The following HIBADH variants were observed in gnomAD, a reference collection of about 807,000 sequenced individuals.
HIBADH encodes the protein 3-hydroxyisobutyrate dehydrogenase.
A neutral mutation model predicts 36.1 loss-of-function variants in HIBADH; 25 were observed. The ratio of observed to expected loss-of-function variants is 0.69; its 90% CI spans 0.50 to 0.97. HIBADH has a LOEUF of 0.97. HIBADH is among the 50% of genes least tolerant of loss of function. The pLI is 0.00. For synonymous variants in HIBADH, 160 were observed against 149.5 expected (o/e 1.07, Z -0.51); for missense variants, 421 against 418.0 (o/e 1.01, Z -0.06).
chr7:27,611,565 G>A (rs533950083), intron 4 of HIBADH, among the ~76,000 whole-genome samples: 3 of 152,084 alleles, frequency 2.0e-5, no homozygotes, highest in South Asian at 2.1e-4. Context: ...AACAACATGA[G>A]ACATTAAATA....
At chr7:27,577,836 G>C (rs1784736344) in intron 4 of HIBADH, among the ~76,000 whole-genome samples, 1 of 152,166 alleles carries the variant, frequency 6.6e-6, no homozygotes, top group Non-Finnish European at 1.5e-5. Flanking sequence ...CATTGCTGCA[G>C]AACACATGGG....
chr7:27,577,018 T>A (rs1296505218), intron 4 of HIBADH, among the ~76,000 whole-genome samples: 1 of 152,160 alleles, frequency 6.6e-6, no homozygotes, highest in Non-Finnish European at 1.5e-5. Context: ...TTACTAAGGT[T>A]TATCTTAAAA....
intron 4 of HIBADH, among the ~76,000 whole-genome samples, chr7:27,544,119 T>C (rs1211582740): frequency 6.6e-6 from 1 of 152,190 alleles, no homozygotes; most frequent in Non-Finnish European, 1.5e-5. Flanking sequence ...TTGTCTGTAG[T>C]ATGTATCAAA....
chr7:27,659,199 G>GATGTGATTT (rs1786367219), intron 1 of HIBADH, among the ~76,000 whole-genome samples: 1 of 152,172 alleles, frequency 6.6e-6, no homozygotes, highest in Non-Finnish European at 1.5e-5. Flanking sequence ...AAGATGATCT[G>GATGTGATTT]ATGTGATTTA....
At chr7:27,634,288 A>G (rs1003895727) in intron 2 of HIBADH, among the ~76,000 whole-genome samples, 6 of 152,194 alleles carry the variant, frequency 3.9e-5, no homozygotes, top group African/African-American at 9.7e-5. Flanking sequence ...TTCAACCTGT[A>G]TATTTTGATA....
chr7:27,597,637 C>A (rs1433663221), intron 4 of HIBADH, among the ~76,000 whole-genome samples: 1 of 152,142 alleles, frequency 6.6e-6, no homozygotes, highest in Non-Finnish European at 1.5e-5. Flanking sequence ...CCAGATACCA[C>A]TAAGACCACT....
intron 4 of HIBADH, among the ~76,000 whole-genome samples, chr7:27,607,551 CA>C (rs1785251900): frequency 6.6e-6 from 1 of 152,094 alleles, no homozygotes; most frequent in Non-Finnish European, 1.5e-5. Context: ...TTACAGGTCT[CA>C]AAGTCAGAAT....
At position 27,632,387 on chromosome 7, in the gene HIBADH, G is replaced by A. The variant is rs1274855216; in HGVS notation, c.311C>T (p.Pro104Leu). Residue 104 changes from proline to leucine, a missense_variant, in exon 3 of 8, where the codon CCC (proline) becomes CTC (leucine). Pro to Leu is a moderately conservative substitution (Grantham distance 98). Transcript: ENST00000265395. ...EKADRIITMLPTSINAIEAYS... is the reference protein window; with the variant it reads ...EKADRIITMLLTSINAIEAYS... ...AGCTTCTATTGCATTGATACTGGTG[G>A]GCAGCATTGTAATAATTCTGTCAGC... 3.1e-6 allele frequency: 5 copies of A among 1,613,366 alleles called. No homozygotes were observed. Among genetic ancestry groups the A allele is most frequent in the Non-Finnish European group, 4.2e-6 (5 of 1,179,628 alleles).
chr7:27,609,566 T>G (rs1487616193), intron 4 of HIBADH, among the ~76,000 whole-genome samples: 1 of 152,206 alleles, frequency 6.6e-6, no homozygotes, highest in Non-Finnish European at 1.5e-5. Flanking sequence ...CAGTTCTGTG[T>G]ACTAGTACTG....
chr7:27,543,766 A>T (rs1784194341), intron 4 of HIBADH, among the ~76,000 whole-genome samples: 1 of 152,106 alleles, frequency 6.6e-6, no homozygotes, highest in South Asian at 2.1e-4. Flanking sequence ...ATTTTTAGTG[A>T]TATGAGCAAG....
intron 4 of HIBADH, among the ~76,000 whole-genome samples, chr7:27,560,453 T>G (rs1784448180): frequency 6.6e-6 from 1 of 152,200 alleles, no homozygotes; most frequent in African/African-American, 2.4e-5. Flanking sequence ...TTTTATTTCA[T>G]TAACTTTTGG....
chr7:27,637,340 A>G (rs1785858241), intron 2 of HIBADH, among the ~76,000 whole-genome samples: 1 of 152,216 alleles, frequency 6.6e-6, no homozygotes, highest in Non-Finnish European at 1.5e-5. Flanking sequence ...TTCGCAATTT[A>G]TTGATTCAAA....
chr7:27,583,275 T>C (rs1365778806), intron 4 of HIBADH, among the ~76,000 whole-genome samples: 1 of 152,068 alleles, frequency 6.6e-6, no homozygotes, highest in Non-Finnish European at 1.5e-5. Context: ...GTAAAATACA[T>C]TGAACAGCTT....
chr7:27,633,206 G>A (rs1785778957), intron 2 of HIBADH, among the ~76,000 whole-genome samples: 1 of 152,132 alleles, frequency 6.6e-6, no homozygotes, highest in African/African-American at 2.4e-5. Flanking sequence ...TGTTTGCTTA[G>A]GTGCATGCAT....
In HIBADH at chr7:27,625,195, A is replaced by G. The variant is rs74563110; in HGVS notation, c.484+4176T>C. 1.6e-3 allele frequency among the ~76,000 whole-genome samples: 240 copies of G among 152,314 alleles called. 6 individuals are homozygous for G. In the East Asian group the frequency reaches 0.036, roughly 23 times the overall value. ...AATGTGTCAAACCGCAAACCCTGACATAAGGCTACACGTGTCTACAGAAAG... is the reference window on the plus strand; with the variant it reads ...AATGTGTCAAACCGCAAACCCTGACGTAAGGCTACACGTGTCTACAGAAAG... On this transcript the variant is annotated intron_variant, in intron 4 of 7. Transcript: ENST00000265395.
At chr7:27,629,599 G>T in intron 3 of HIBADH, 107 bp from the exon 4 acceptor site, 1 of 690,036 alleles carries the variant, frequency 1.4e-6, no homozygotes, top group Non-Finnish European at 2.2e-6. Flanking sequence ...TATCAAGGAG[G>T]ATTTTAGTTT....
In HIBADH at chr7:27,551,930, T is replaced by G. The variant is rs147211187; in HGVS notation, c.485-8830A>C. Reference sequence around the variant, plus strand: ...AATTGTTCTAATCATTTTCTACAGATGCAGCCTCACAAGGGGCTGCTGTCA... The same window carrying G: ...AATTGTTCTAATCATTTTCTACAGAGGCAGCCTCACAAGGGGCTGCTGTCA... On this transcript the variant is annotated intron_variant, in intron 4 of 7. Transcript: ENST00000265395. Among the ~76,000 whole-genome samples the G allele has an allele frequency of 7.9e-3, 1,198 of 152,326 alleles. 12 individuals carry two copies. Among genetic ancestry groups the G allele is most frequent in the African/African-American group, 0.028 (1,146 of 41,572 alleles).
chr7:27,621,884 A>T (rs114822510), intron 4 of HIBADH, among the ~76,000 whole-genome samples: 5,188 of 152,204 alleles, frequency 0.034, 117 homozygotes, highest in South Asian at 0.092. Flanking sequence ...CTACAAATAC[A>T]CGGGTGGGGT....
chr7:27,602,703 T>C lies in HIBADH; in HGVS notation c.484+26668A>G, dbSNP rs193253941. On this transcript the variant is annotated intron_variant, in intron 4 of 7. Coordinates refer to ENST00000265395, the MANE Select transcript of HIBADH (RefSeq NM_152740.4). ...GGCGTCAGTCTTTAAAAAAAATTTTTTTAAACCTGAAGATTACTGACAAAT... is the reference window on the plus strand; with the variant it reads ...GGCGTCAGTCTTTAAAAAAAATTTTCTTAAACCTGAAGATTACTGACAAAT... 2.6e-5 allele frequency among the ~76,000 whole-genome samples: 4 copies of C among 152,278 alleles called. No individual in the cohort carries two copies. In the East Asian group the frequency reaches 7.7e-4, roughly 29 times the overall value.
Sources: allele counts gnomAD v4.1 joint callset (sites outside exome capture counted in the v4.1 genomes callset), GRCh38; gene constraint gnomAD v4.1.1; transcripts MANE v1.5; gene names NCBI Gene and HGNC (gene_info 2026-07-23, HGNC 2026-07-21).